The following MYOM2 variants were observed in gnomAD, a reference collection of about 807,000 sequenced individuals.
MYOM2 encodes myomesin-2.
In MYOM2, 254 loss-of-function variants were observed where a neutral mutation model predicts 187.6. The observed-to-expected ratio is 1.35, with a 90% CI of 1.22 to 1.50. The LOEUF is 1.50. Among genes scored for constraint, MYOM2 ranks in the 40% most tolerant of loss-of-function variants. The pLI is 0.00. For synonymous variants in MYOM2, 981 were observed against 753.8 expected (o/e 1.30, Z -4.94); for missense variants, 2,796 against 1,924.0 (o/e 1.45, Z -8.48).
rs201134786 is a variant in MYOM2 at position 2,109,410 on chromosome 8, C to G, written c.3059C>G (p.Ser1020Trp). ...EIKNPTIPLK[S>W]ELAYEIFDKG... is the part of the protein sequence containing the mutation. The stretch of plus-strand genomic sequence containing the variant: ...CTTCCTGTAGCAATTCCTCTGAAAT[C>G]GGAATTAGCTTATGAGATTTTTGAT... The change falls in exon 25 of 37, where the codon TCG becomes TGG. Residue 1020 changes from serine (S) to tryptophan (W), a missense_variant. Coordinates refer to ENST00000262113, the MANE Select transcript of MYOM2 (RefSeq NM_003970.4). The G allele has an allele frequency of 2.5e-6, 4 of 1,605,996 alleles. No homozygotes were observed. Among genetic ancestry groups the G allele is most frequent in the Non-Finnish European group, 3.4e-6 (4 of 1,176,658 alleles).
At chr8:2,069,082 C>T (rs1242578021) in intron 6 of MYOM2, among the ~76,000 whole-genome samples, 196 bp from the exon 7 acceptor site, 1 of 152,244 alleles carries the variant, frequency 6.6e-6, no homozygotes. Context: ...ATCAGGCCTT[C>T]ATCTGTGTCT....
chr8:2,046,728 CTT>C, intron 1 of MYOM2, among the ~76,000 whole-genome samples: 1 of 148,000 alleles, frequency 6.8e-6, no homozygotes, highest in East Asian at 2.0e-4. Context: ...AAGCTGCTTT[CTT>C]TCTCTCTCTC....
chr8:2,141,939 G>C (rs776688800), intron 34 of MYOM2, among the ~76,000 whole-genome samples: 1 of 152,170 alleles, frequency 6.6e-6, no homozygotes, highest in Non-Finnish European at 1.5e-5. Flanking sequence ...TCGCACATCC[G>C]AAGCTGACCG....
chr8:2,048,839 G>C (rs184341400), intron 1 of MYOM2, among the ~76,000 whole-genome samples: 1 of 150,886 alleles, frequency 6.6e-6, no homozygotes, highest in African/African-American at 2.4e-5. Flanking sequence ...ACCCAGGCTG[G>C]AATGCAGTGG....
chr8:2,060,541 G>A (rs1380857026), intron 6 of MYOM2, among the ~76,000 whole-genome samples: 1 of 152,096 alleles, frequency 6.6e-6, no homozygotes, highest in Non-Finnish European at 1.5e-5. Context: ...GTGAGACATT[G>A]GAACATACGA....
chr8:2,128,488 A>G (rs1470055667), intron 31 of MYOM2, among the ~76,000 whole-genome samples: 1 of 152,216 alleles, frequency 6.6e-6, no homozygotes, highest in Non-Finnish European at 1.5e-5. Flanking sequence ...TCCAGTTCAG[A>G]GCTTCTGCCT....
At chr8:2,052,061 T>G in intron 2 of MYOM2, 97 bp from the exon 3 acceptor site, 3 of 1,460,720 alleles carry the variant, frequency 2.1e-6, no homozygotes. Flanking sequence ...CATATACCAG[T>G]GGTTTGGGGT....
intron 6 of MYOM2, among the ~76,000 whole-genome samples, chr8:2,059,759 T>TTTTTTGG (rs1818790479): frequency 6.7e-6 from 1 of 150,286 alleles, no homozygotes; most frequent in African/African-American, 2.4e-5. Context: ...TTTTTTTTTT[T>TTTTTTGG]GAGGCAGAGT....
Position 2,050,901 on chromosome 8 carries a change from G to T in MYOM2, c.107+28G>T, listed in dbSNP as rs1486087754. Reference sequence around the variant, plus strand: ...AAGCTGACATTCGCTGATGAGACGCGCAGAGCTTTGATTATGGGGGTCTGA... The same window carrying T: ...AAGCTGACATTCGCTGATGAGACGCTCAGAGCTTTGATTATGGGGGTCTGA... On this transcript the variant is annotated intron_variant, in intron 2 of 36. Coordinates refer to ENST00000262113, the MANE Select transcript of MYOM2 (RefSeq NM_003970.4). 7 of 1,528,544 alleles carry T rather than the reference G, an allele frequency of 4.6e-6. No individual in the cohort carries two copies. The Admixed American group carries it at 6.7e-5, about 15-fold the overall frequency. The allele number at this position is 1,528,544 out of a possible 1,614,324, so 94.7% of individuals were successfully genotyped here.
intron 3 of MYOM2, among the ~76,000 whole-genome samples, chr8:2,053,771 A>G (rs1466076879): frequency 6.6e-6 from 1 of 152,208 alleles, no homozygotes; most frequent in African/African-American, 2.4e-5. Flanking sequence ...ACGGGGGACG[A>G]AGGCTAGGCA....
chr8:2,114,859 C>G (rs1452801571), intron 25 of MYOM2, among the ~76,000 whole-genome samples: 1 of 152,152 alleles, frequency 6.6e-6, no homozygotes, highest in African/African-American at 2.4e-5. Context: ...TTCCCTGTAG[C>G]TGGGACCACA....
intron 6 of MYOM2, 87 bp downstream of exon 6, chr8:2,059,332 G>A (rs1818776551): frequency 8.6e-7 from 1 of 1,162,458 alleles, no homozygotes; most frequent in East Asian, 2.4e-5. Flanking sequence ...GTAACTGGAG[G>A]CCAAATCACA....
intron 31 of MYOM2, among the ~76,000 whole-genome samples, chr8:2,126,717 C>G (rs1273985296): frequency 4.3e-5 from 5 of 115,200 alleles, no homozygotes; most frequent in African/African-American, 6.9e-5. Context: ...TGGGTGAGCA[C>G]TGGGGGAGGC....
At chr8:2,122,818 C>A (rs980781424) in intron 28 of MYOM2, among the ~76,000 whole-genome samples, 4 of 152,202 alleles carry the variant, frequency 2.6e-5, no homozygotes, top group Admixed American at 2.6e-4. Context: ...ATTTCATTTT[C>A]TTTGTGTCCC....
At chr8:2,118,773 C>T (rs1797329787) in intron 28 of MYOM2, 1 of 152,578 alleles carries the variant, frequency 6.6e-6, no homozygotes. Context: ...TACAGAGCAC[C>T]TGAGGGCTGT....
intron 6 of MYOM2, among the ~76,000 whole-genome samples, chr8:2,068,768 C>T (rs554666071): frequency 7.2e-5 from 11 of 152,192 alleles, no homozygotes; most frequent in Non-Finnish European, 1.3e-4. Context: ...TGGACCCCCC[C>T]GCCATGGTTC....
chr8:2,105,138 G>A (rs1211249428), intron 21 of MYOM2, among the ~76,000 whole-genome samples: 4 of 152,074 alleles, frequency 2.6e-5, no homozygotes. Context: ...ACATTTCAAT[G>A]TGAGTTTTGA....
Position 2,144,752 on chromosome 8 carries a change from A to C in MYOM2, c.4169A>C (p.His1390Pro). The C allele has an allele frequency of 6.2e-7, 1 of 1,613,800 alleles. No individual in the cohort carries two copies. The highest frequency in any genetic ancestry group is 2.2e-5 in the East Asian group (1 of 44,844). Reference protein sequence around the residue: ...KNDQDIQLSEHFSVKVEQAKY... With the variant: ...KNDQDIQLSEPFSVKVEQAKY... The stretch of plus-strand genomic sequence containing the variant: ...GACCAGGACATCCAGCTCAGCGAGC[A>C]CTTCTCGGTGAAGGTGGAGCAGGCC... Residue 1390 changes from histidine to proline, a missense_variant, in exon 37 of 37, where the codon CAC becomes CCC. By Grantham distance (77) the His-to-Pro change is moderately conservative. Transcript: ENST00000262113.
At chr8:2,098,604 G>T (rs568115178) in intron 18 of MYOM2, among the ~76,000 whole-genome samples, 1 of 152,324 alleles carries the variant, frequency 6.6e-6, no homozygotes, top group Admixed American at 6.5e-5. Context: ...ACCCCCGCAG[G>T]AGTGGGATTG....
Sources: allele counts gnomAD v4.1 joint callset (sites outside exome capture counted in the v4.1 genomes callset), GRCh38; gene constraint gnomAD v4.1.1; transcripts MANE v1.5; gene names NCBI Gene and HGNC (gene_info 2026-07-23, HGNC 2026-07-21).